Variants in MTA3 observed in about 807,000 individuals in gnomAD.
MTA3 encodes metastasis associated 1 family member 3.
A neutral mutation model predicts 83.5 loss-of-function variants in MTA3; 34 were observed. The ratio of observed to expected loss-of-function variants is 0.41; its 90% CI spans 0.31 to 0.54. MTA3 has a LOEUF of 0.54. Ranked by LOEUF, MTA3 falls within the 20% of genes least tolerant of loss-of-function variation. The probability of loss-of-function intolerance (pLI) is 0.33; values close to 1 mark genes in which losing one functional copy is unlikely to be tolerated. For missense variants in MTA3, 761 were observed against 726.4 expected, an observed-to-expected ratio of 1.05 and a Z score of -0.55; for synonymous variants, 303 against 252.7, an observed-to-expected ratio of 1.20 and a Z score of -1.89.
chr2:42,523,489 A>G (rs1675524618), intron 2 of MTA3, among the ~76,000 whole-genome samples: 1 of 152,186 alleles, frequency 6.6e-6, no homozygotes, highest in Admixed American at 6.5e-5. Flanking sequence ...CTACAAGAGG[A>G]AGAAACCTGA....
At chr2:42,678,147 T>A (rs1227179708) in intron 8 of MTA3, among the ~76,000 whole-genome samples, 1 of 151,994 alleles carries the variant, frequency 6.6e-6, no homozygotes, top group Non-Finnish European at 1.5e-5. Context: ...GTGTTTTGTT[T>A]TTTTTTTTCA....
At position 42,556,966 on chromosome 2, in the gene MTA3, C is replaced by T. The variant is rs182686783; in HGVS notation, c.-140-13471C>T. Among the ~76,000 whole-genome samples the T allele has an allele frequency of 6.2e-4, 94 of 152,270 alleles. 2 individuals are homozygous for T. The East Asian group carries it at 0.01, about 17-fold the overall frequency. ...AGATCAAGGGCAGAGGAAGGAGGCC[C>T]TACGAAACGCTGGAAACTTCTCTCC... On this transcript the variant is annotated intron_variant, in intron 2 of 17. Transcript: ENST00000405592.
rs191062121 is a variant in MTA3, at chr2:42,749,933, A to G, written c.1760-3441A>G. 2.6e-4 allele frequency among the ~76,000 whole-genome samples: 40 copies of G among 152,280 alleles called. No homozygotes were observed. The East Asian group carries it at 7.3e-3, about 28-fold the overall frequency. On this transcript the variant is annotated intron_variant, in intron 16 of 16. Coordinates refer to ENST00000405094, the MANE Select transcript of MTA3 (RefSeq NM_001330442.2). The stretch of plus-strand genomic sequence containing the variant: ...AAAAACAACATACTATGTATGTTTC[A>G]TAGATACTGTATTTTTTCTTCCCTG...
At chr2:42,549,386 G>GTA (rs1399592687) in intron 2 of MTA3, among the ~76,000 whole-genome samples, 2 of 113,226 alleles carry the variant, frequency 1.8e-5, no homozygotes, top group Non-Finnish European at 3.3e-5. Context: ...TAAAATATAT[G>GTA]TATATATTAT....
chr2:42,525,223 G>A (rs1438597139), intron 2 of MTA3, among the ~76,000 whole-genome samples: 3 of 148,102 alleles, frequency 2.0e-5, no homozygotes, highest in Non-Finnish European at 4.5e-5. Context: ...TTTTGAGTTT[G>A]GGGTTTTGCT....
chr2:42,607,792 A>G (rs919753701), intron 3 of MTA3, among the ~76,000 whole-genome samples: 1 of 152,178 alleles, frequency 6.6e-6, no homozygotes, highest in African/African-American at 2.4e-5. Flanking sequence ...CTCTACTAAA[A>G]ATACAAAAAT....
At chr2:42,593,805 C>G (rs1681333237) in intron 3 of MTA3, among the ~76,000 whole-genome samples, 2 of 151,978 alleles carry the variant, frequency 1.3e-5, no homozygotes, top group African/African-American at 2.4e-5. Context: ...ATAGCAAGAC[C>G]CCATCTCTAT....
intron 3 of MTA3, among the ~76,000 whole-genome samples, chr2:42,598,110 T>C (rs1682060763): frequency 6.6e-6 from 1 of 152,168 alleles, no homozygotes; most frequent in South Asian, 2.1e-4. Flanking sequence ...TCTTGCTCTG[T>C]TGCCCAGGCC....
chr2:42,708,718 C>G (rs1347205148), intron 13 of MTA3, among the ~76,000 whole-genome samples, 156 bp from the exon 14 acceptor site: 1 of 152,186 alleles, frequency 6.6e-6, no homozygotes, highest in Non-Finnish European at 1.5e-5. Flanking sequence ...AAAGTGCACA[C>G]TTTAATTCTC....
At position 42,756,021 on chromosome 2, in the gene MTA3, C is replaced by A; in HGVS notation, c.*2622C>A. 4.1e-6 allele frequency: 4 copies of A among 985,004 alleles called. No individual in the cohort carries two copies. Among genetic ancestry groups the A allele is most frequent in the Non-Finnish European group, 4.8e-6 (4 of 829,528 alleles). 61.0% of individuals were successfully genotyped at this position (985,004 alleles called of 1,614,324 possible). A position where few individuals can be genotyped will look rare whatever the true frequency, so the allele number is the denominator to read the frequency against. On this transcript the variant is annotated 3_prime_UTR_variant, in exon 17 of 17. Coordinates refer to ENST00000405094, the MANE Select transcript of MTA3 (RefSeq NM_001330442.2). The stretch of plus-strand genomic sequence containing the variant: ...CAGTTTCCATCTCTCAGGGCCCACC[C>A]AGGAAAATGGATTTCAAGTGGGGGT...
intron 2 of MTA3, among the ~76,000 whole-genome samples, chr2:42,574,890 G>T (rs185403417): frequency 9.8e-5 from 15 of 152,328 alleles, no homozygotes; most frequent in Middle Eastern, 3.4e-3. Context: ...ACCACCAAGT[G>T]AAGAGAATGG....
At chr2:42,562,689 C>T (rs530186667) in intron 2 of MTA3, among the ~76,000 whole-genome samples, 2 of 152,200 alleles carry the variant, frequency 1.3e-5, no homozygotes, top group East Asian at 3.8e-4. Flanking sequence ...ACTCAGGGAA[C>T]CTGCTTCTTT....
At chr2:42,522,220 TCCGTCCCTGA>T in intron 2 of MTA3, among the ~76,000 whole-genome samples, 1 of 152,200 alleles carries the variant, frequency 6.6e-6, no homozygotes, top group Non-Finnish European at 1.5e-5. Context: ...ACAACCACCC[TCCGTCCCTGA>T]CTTTGATATG....
Position 42,594,728 on chromosome 2 carries a change from A to ATATATATATATATATTTTTTTT in MTA3, c.191-14729_191-14728insATATATATATATATTTTTTTTT. ...TACATATATATATATATATATATAT[A>ATATATATATATATATTTTTTTT]TTTTTTTTTTTTTTTTGAGACAGAG... On this transcript the variant is annotated intron_variant, in intron 3 of 16. Coordinates refer to ENST00000405094, the MANE Select transcript of MTA3 (RefSeq NM_001330442.2). Among the ~76,000 whole-genome samples the ATATATATATATATATTTTTTTT allele has an allele frequency of 4.2e-3, 101 of 24,016 alleles. 2 individuals carry two copies. The highest frequency in any genetic ancestry group is 5.1e-3 in the Non-Finnish European group (79 of 15,436). The allele number at this position is 24,016 out of a possible 152,430, so 15.8% of individuals were successfully genotyped here. A position where few individuals can be genotyped will look rare whatever the true frequency, so the allele number is the denominator to read the frequency against.
intron 3 of MTA3, among the ~76,000 whole-genome samples, chr2:42,590,613 C>CTTTTTT (rs746232027): frequency 8.6e-6 from 1 of 115,682 alleles, no homozygotes; most frequent in Non-Finnish European, 1.7e-5. Context: ...TTCATGTTTG[C>CTTTTTT]TTTTTTTTTT....
intron 2 of MTA3, among the ~76,000 whole-genome samples, chr2:42,525,771 C>T (rs1675680435): frequency 6.6e-6 from 1 of 151,808 alleles, no homozygotes; most frequent in African/African-American, 2.4e-5. Flanking sequence ...GATCCTCCCA[C>T]CTCAGCCTCT....
chr2:42,594,719 TA>T (rs1558472846), intron 3 of MTA3, among the ~76,000 whole-genome samples: 14 of 43,688 alleles, frequency 3.2e-4, no homozygotes, highest in South Asian at 1.7e-3. Flanking sequence ...TATATATATA[TA>T]TATATATATT....
rs1268093440 is a variant in MTA3, at chr2:42,704,302, C to T, written c.1134C>T (p.Ala378=). Residue 378 remains alanine, a synonymous_variant, in exon 12 of 17, where the codon GCC becomes GCT. Coordinates refer to ENST00000405094, the MANE Select transcript of MTA3 (RefSeq NM_001330442.2). ...CTCAGAATCCTCTCTTAGGGAGAGCCTGTGAGAGCTGCTATGGTAAGTTTT... is the reference window on the plus strand; with the variant it reads ...CTCAGAATCCTCTCTTAGGGAGAGCTTGTGAGAGCTGCTATGGTAAGTTTT... ...FQPQNPLLGR[A]CESCYATQSH... 4 of 1,613,780 alleles carry T rather than the reference C, an allele frequency of 2.5e-6. No homozygotes were observed. The Admixed American group carries it at 5.0e-5, about 20-fold the overall frequency.
chr2:42,700,872 A>G, intron 11 of MTA3, among the ~76,000 whole-genome samples: 2 of 152,328 alleles, frequency 1.3e-5, no homozygotes, highest in South Asian at 2.1e-4. Context: ...AAGCTGAGGC[A>G]GGAAGACTGC....
Sources: gnomAD v4.1 joint callset for allele counts (sites outside exome capture counted in the v4.1 genomes callset) on GRCh38, gnomAD v4.1.1 for gene constraint, MANE v1.5 for transcripts, NCBI Gene and HGNC (gene_info 2026-07-23, HGNC 2026-07-21) for gene names.